TMEM131: variants seen among roughly 807,000 people sequenced by gnomAD.
The protein encoded by TMEM131 is 2610524E03Rik.
In TMEM131, 66 loss-of-function variants were observed where a neutral mutation model predicts 211.6. The observed-to-expected ratio is 0.31, with a 90% CI of 0.26 to 0.38. The LOEUF is 0.38. Among genes scored for constraint, TMEM131 ranks in the 10% least tolerant of loss-of-function variants. The pLI, the probability that TMEM131 is intolerant of heterozygous loss-of-function variation, is 1.00. For synonymous variants in TMEM131, 844 were observed against 841.3 expected, an observed-to-expected ratio of 1.00 and a Z score of -0.06; for missense variants, 2,036 against 2,299.3, an observed-to-expected ratio of 0.89 and a Z score of 2.34.
intron 25 of TMEM131, 32 bp from the exon 26 acceptor site, chr2:97,797,548 T>C (rs938374356): frequency 1.9e-6 from 3 of 1,573,708 alleles, no homozygotes; most frequent in Non-Finnish European, 2.6e-6. Context: ...AGAGGAGTCA[T>C]GAATATATTC....
At chr2:97,967,857 T>A (rs927642496) in intron 1 of TMEM131, among the ~76,000 whole-genome samples, 2 of 151,846 alleles carry the variant, frequency 1.3e-5, no homozygotes, top group Non-Finnish European at 2.9e-5. Context: ...ATGTAACACA[T>A]CCTGTTGGGA....
intron 2 of TMEM131, chr2:97,913,223 C>A (rs1676364177): frequency 6.6e-6 from 1 of 152,162 alleles, no homozygotes; most frequent in Non-Finnish European, 1.5e-5. Flanking sequence ...CTTTCTTCTA[C>A]CCTACAACCA....
chr2:97,900,301 G>A (rs1328998163), intron 3 of TMEM131, among the ~76,000 whole-genome samples: 3 of 152,020 alleles, frequency 2.0e-5, no homozygotes, highest in East Asian at 1.9e-4. Flanking sequence ...CCTTCTAACT[G>A]AAATTTTGTG....
intron 11 of TMEM131, among the ~76,000 whole-genome samples, chr2:97,822,108 T>C (rs1427445112): frequency 3.9e-5 from 6 of 152,204 alleles, no homozygotes; most frequent in Admixed American, 2.0e-4. Flanking sequence ...TCTCCAAGGA[T>C]AGTTCCGCTT....
intron 2 of TMEM131, chr2:97,913,236 T>C (rs535671793): frequency 6.6e-6 from 1 of 152,104 alleles, no homozygotes; most frequent in Non-Finnish European, 1.5e-5. Flanking sequence ...TACAACCAAT[T>C]ATCTGGTCCA....
chr2:97,929,335 C>A (rs1384381682), intron 1 of TMEM131, among the ~76,000 whole-genome samples: 2 of 151,684 alleles, frequency 1.3e-5, no homozygotes, highest in Non-Finnish European at 2.9e-5. Flanking sequence ...TCCATAAACC[C>A]ATATTGCTAT....
At chr2:97,769,922 AT>A (rs1322085997) in intron 33 of TMEM131, among the ~76,000 whole-genome samples, 5 of 152,102 alleles carry the variant, frequency 3.3e-5, no homozygotes, top group Non-Finnish European at 5.9e-5. Context: ...CTAGCAAGTG[AT>A]TTTTTTGAGG....
chr2:97,792,318 T>C (rs1485057832), intron 31 of TMEM131, 68 bp downstream of exon 31: 18 of 1,294,754 alleles, frequency 1.4e-5, no homozygotes, highest in Non-Finnish European at 1.9e-5. Flanking sequence ...ATAATCTTAA[T>C]AGCTCCTTAA....
At chr2:97,877,347 A>T (rs1166124875) in intron 4 of TMEM131, among the ~76,000 whole-genome samples, 1 of 152,250 alleles carries the variant, frequency 6.6e-6, no homozygotes, top group Non-Finnish European at 1.5e-5. Flanking sequence ...TAGAATTGGA[A>T]AAAACTACTT....
At chr2:97,864,767 T>C (rs1393431155) in intron 4 of TMEM131, among the ~76,000 whole-genome samples, 2 of 152,206 alleles carry the variant, frequency 1.3e-5, no homozygotes, top group Non-Finnish European at 2.9e-5. Flanking sequence ...TGAGTGTCAA[T>C]GGGCAGCCTG....
chr2:97,896,015 T>G (rs1393344387), intron 3 of TMEM131, among the ~76,000 whole-genome samples: 1 of 152,214 alleles, frequency 6.6e-6, no homozygotes. Flanking sequence ...TGCTATAAAT[T>G]TCCCTCTGCA....
intron 25 of TMEM131, among the ~76,000 whole-genome samples, chr2:97,799,135 C>T (rs1297887746): frequency 1.3e-5 from 2 of 152,084 alleles, no homozygotes; most frequent in Admixed American, 1.3e-4. Context: ...TTGTCTTTTT[C>T]ACTATGTTGG....
intron 12 of TMEM131, among the ~76,000 whole-genome samples, chr2:97,815,752 T>C (rs1053932880): frequency 6.6e-6 from 1 of 152,164 alleles, no homozygotes; most frequent in African/African-American, 2.4e-5. Flanking sequence ...CAGCTGTGAC[T>C]ACCAAAATGC....
rs181045971 is a variant in TMEM131 at position 97,874,868 on chromosome 2, C to T, written c.359+13184G>A. Among the ~76,000 whole-genome samples, 77 of 152,162 alleles carry T rather than the reference C, an allele frequency of 5.1e-4. 1 individual carries two copies. The highest frequency in any genetic ancestry group is 1.8e-3 in the African/African-American group (73 of 41,518). On this transcript the variant is annotated intron_variant, in intron 4 of 40. Transcript: ENST00000186436. ...ATAACAGGATCAAATTTACACATAACAATATTAAACTTAAATGTAAATGGG... is the reference window on the plus strand; with the variant it reads ...ATAACAGGATCAAATTTACACATAATAATATTAAACTTAAATGTAAATGGG...
In TMEM131 at chr2:97,796,348, T is replaced by C; in HGVS notation, c.3070A>G (p.Thr1024Ala). ...TCTATGTGAATTTGAAGTTGTCCTG[T>C]ATTCTCTACCTTAAATGTTCTTTTC... ...TLKRTFKVENTGQLQIHIETI... is the reference protein window; with the variant it reads ...TLKRTFKVENAGQLQIHIETI... The change falls in exon 28 of 41, where the codon ACA becomes GCA. Residue 1024 changes from threonine to alanine, a missense_variant. By Grantham distance (58) the Thr-to-Ala change is moderately conservative. Transcript: ENST00000186436. 6.5e-7 allele frequency: 1 copy of C among 1,549,688 alleles called. No individual in the cohort carries two copies. Among genetic ancestry groups the C allele is most frequent in the Non-Finnish European group, 8.7e-7 (1 of 1,148,418 alleles).
At chr2:97,822,540 C>T (rs7606272) in intron 11 of TMEM131, among the ~76,000 whole-genome samples, 10,909 of 152,170 alleles carry the variant, frequency 0.072, 462 homozygotes, top group Middle Eastern at 0.12. Flanking sequence ...AACAGGTTTT[C>T]GAGAATGCGT....
Position 97,792,799 on chromosome 2 carries a change from G to C in TMEM131, c.3731C>G (p.Ser1244Cys). The change falls in exon 31 of 41, where the codon TCT becomes TGT. Residue 1244 changes from serine to cysteine, a missense_variant. By Grantham distance (112) the Ser-to-Cys change is moderately radical. Transcript: ENST00000186436. ...NVRAKNSSST[S>C]SRTSAQAASS... is the part of the protein sequence containing the mutation. ...AGCTGCTTGAGCAGAAGTCCTACTA[G>C]AGGTACTTGAACTGTTTTTGGCTCT... is the stretch of plus-strand genomic sequence containing the variant. The C allele has an allele frequency of 6.2e-7, 1 of 1,614,030 alleles. No homozygotes were observed.
chr2:97,853,859 G>A (rs1673729786), intron 5 of TMEM131, among the ~76,000 whole-genome samples: 1 of 152,066 alleles, frequency 6.6e-6, no homozygotes, highest in Non-Finnish European at 1.5e-5. Flanking sequence ...TGTTTCTTAG[G>A]GATGAGCAAA....
intron 19 of TMEM131, among the ~76,000 whole-genome samples, chr2:97,808,672 G>T (rs139825760): frequency 4.6e-5 from 7 of 152,104 alleles, no homozygotes; most frequent in African/African-American, 1.2e-4. Context: ...GGGAAGAAAC[G>T]ATCTCTCATC....
Sources: gnomAD v4.1 joint callset for allele counts (sites outside exome capture counted in the v4.1 genomes callset) on GRCh38, gnomAD v4.1.1 for gene constraint, MANE v1.5 for transcripts, NCBI Gene and HGNC (gene_info 2026-07-23, HGNC 2026-07-21) for gene names.